The following DNAJC1 variants were observed in gnomAD, a reference collection of about 807,000 sequenced individuals.
DNAJC1 encodes the protein dnaJ homolog subfamily C member 1.
DNAJC1 carries 58 observed loss-of-function variants against 76.6 expected under a neutral mutation model. That is an observed-to-expected ratio of 0.76 (90% CI 0.61 to 0.94). The LOEUF (loss-of-function observed/expected upper bound fraction) is 0.94. Ranked by LOEUF, DNAJC1 falls within the 40% of genes least tolerant of loss-of-function variation. DNAJC1 has a pLI of 0.00. For missense variants in DNAJC1, 689 were observed against 677.3 expected (o/e 1.02, Z -0.19); for synonymous variants, 258 against 267.9 (o/e 0.96, Z 0.36).
intron 9 of DNAJC1, chr10:21,804,112 T>C: frequency 3.7e-6 from 1 of 273,646 alleles, no homozygotes; most frequent in Non-Finnish European, 5.6e-6. Flanking sequence ...GTTGGTTATA[T>C]CCTGTGTATT....
intron 9 of DNAJC1, among the ~76,000 whole-genome samples, chr10:21,786,698 C>T (rs952031666): frequency 6.6e-6 from 1 of 151,892 alleles, no homozygotes; most frequent in East Asian, 1.9e-4. Context: ...TGGTCTCGAA[C>T]TCCTGATCTC....
chr10:21,876,285 A>AT (rs1836187155), intron 8 of DNAJC1, among the ~76,000 whole-genome samples: 1 of 151,668 alleles, frequency 6.6e-6, no homozygotes, highest in Non-Finnish European at 1.5e-5. Context: ...TAATTTTTGT[A>AT]TTTTTTGGTG....
At position 22,003,483 on chromosome 10, in the gene DNAJC1, A is replaced by C; in HGVS notation, c.-49T>G. On this transcript the variant is annotated 5_prime_UTR_variant, in exon 1 of 12. Transcript: ENST00000376980. ...CCGCCGCGCAGCTCCGTTGGCCGAG[A>C]GCTGGGACGTGGCGGGCGGCGCTGG... The C allele has an allele frequency of 7.6e-7, 1 of 1,310,614 alleles. No homozygotes were observed. The highest frequency in any genetic ancestry group is 9.7e-7 in the Non-Finnish European group (1 of 1,035,504). 81.2% of individuals were successfully genotyped at this position (1,310,614 alleles called of 1,614,324 possible). A position where few individuals can be genotyped will look rare whatever the true frequency, so the allele number is the denominator to read the frequency against.
At chr10:21,805,827 T>C (rs538287780) in intron 9 of DNAJC1, among the ~76,000 whole-genome samples, 153 bp downstream of exon 9, 1 of 152,314 alleles carries the variant, frequency 6.6e-6, no homozygotes, top group East Asian at 1.9e-4. Context: ...CATCTGCTTC[T>C]CACTTATTGC....
chr10:21,957,952 T>C (rs1564838302), intron 1 of DNAJC1, among the ~76,000 whole-genome samples: 2 of 152,318 alleles, frequency 1.3e-5, no homozygotes, highest in East Asian at 3.9e-4. Context: ...AACAGGCTCA[T>C]AATACCTGCT....
chr10:21,790,391 G>C (rs1391811803), intron 9 of DNAJC1, among the ~76,000 whole-genome samples: 4 of 151,098 alleles, frequency 2.6e-5, no homozygotes, highest in Non-Finnish European at 5.9e-5. Context: ...AAGACGAAGA[G>C]AAAATTCTAA....
At chr10:21,888,163 T>C (rs148083051) in intron 7 of DNAJC1, among the ~76,000 whole-genome samples, 1,874 of 152,184 alleles carry the variant, frequency 0.012, 33 homozygotes, top group African/African-American at 0.042. Flanking sequence ...ATTAGAGTAA[T>C]GCAAATCAAA....
At chr10:21,781,418 A>G (rs1163165335) in intron 9 of DNAJC1, among the ~76,000 whole-genome samples, 1 of 152,120 alleles carries the variant, frequency 6.6e-6, no homozygotes, top group Non-Finnish European at 1.5e-5. Context: ...TCAAACTAGA[A>G]CTCAGGATTA....
At chr10:21,838,990 C>T (rs574075319) in intron 8 of DNAJC1, among the ~76,000 whole-genome samples, 1 of 152,208 alleles carries the variant, frequency 6.6e-6, no homozygotes, top group Non-Finnish European at 1.5e-5. Context: ...CAACCTGCTC[C>T]TGAATGACTA....
chr10:21,813,026 TACACACACAC>T (rs149245778), intron 8 of DNAJC1, among the ~76,000 whole-genome samples: 11 of 132,468 alleles, frequency 8.3e-5, no homozygotes, highest in South Asian at 4.8e-4. Context: ...TACACACACA[TACACACACAC>T]ACACACACAC....
chr10:21,841,388 C>T (rs1206373132), intron 8 of DNAJC1, among the ~76,000 whole-genome samples: 1 of 152,160 alleles, frequency 6.6e-6, no homozygotes, highest in Non-Finnish European at 1.5e-5. Context: ...CTACAATGAA[C>T]TCAAACAAAT....
chr10:21,813,721 G>A (rs1254387430), intron 8 of DNAJC1, among the ~76,000 whole-genome samples: 1 of 152,158 alleles, frequency 6.6e-6, no homozygotes, highest in Non-Finnish European at 1.5e-5. Context: ...GTATAGTGAA[G>A]ATATTGCCTC....
intron 1 of DNAJC1, among the ~76,000 whole-genome samples, chr10:21,952,284 C>G (rs1264578916): frequency 6.6e-6 from 1 of 152,124 alleles, no homozygotes; most frequent in Non-Finnish European, 1.5e-5. Context: ...CAATTATTAT[C>G]TCATGTCAAT....
chr10:21,881,903 C>G (rs1415994633), intron 8 of DNAJC1, among the ~76,000 whole-genome samples: 1 of 149,820 alleles, frequency 6.7e-6, no homozygotes, highest in African/African-American at 2.5e-5. Flanking sequence ...ACCTGTAATC[C>G]CAGCACTTTG....
intron 9 of DNAJC1, among the ~76,000 whole-genome samples, chr10:21,770,463 T>C (rs1463997747): frequency 6.7e-6 from 1 of 148,840 alleles, no homozygotes; most frequent in Non-Finnish European, 1.5e-5. Flanking sequence ...AGTGGCACGA[T>C]CTCGACTCAC....
At chr10:21,855,573 T>A (rs1835821405) in intron 8 of DNAJC1, among the ~76,000 whole-genome samples, 1 of 152,162 alleles carries the variant, frequency 6.6e-6, no homozygotes, top group African/African-American at 2.4e-5. Flanking sequence ...CAAGTTGATA[T>A]TATCAATGAT....
At chr10:21,926,260 CTTT>C (rs774374066) in intron 3 of DNAJC1, among the ~76,000 whole-genome samples, 13 of 134,712 alleles carry the variant, frequency 9.7e-5, no homozygotes, top group Admixed American at 2.2e-4. Flanking sequence ...CCAGCCTTTC[CTTT>C]TTTTTTTTTT....
chr10:21,859,584 G>C (rs1168199350), intron 8 of DNAJC1, among the ~76,000 whole-genome samples: 2 of 151,150 alleles, frequency 1.3e-5, no homozygotes, highest in Non-Finnish European at 2.9e-5. Context: ...CATAGACATA[G>C]GGGTTACATA....
At chr10:21,887,843 A>G (rs1375448258) in intron 7 of DNAJC1, among the ~76,000 whole-genome samples, 1 of 152,160 alleles carries the variant, frequency 6.6e-6, no homozygotes, top group African/African-American at 2.4e-5. Flanking sequence ...ATTTCATTAC[A>G]AAGACACCAA....
Sources: allele counts gnomAD v4.1 joint callset (sites outside exome capture counted in the v4.1 genomes callset), GRCh38; gene constraint gnomAD v4.1.1; transcripts MANE v1.5; gene names NCBI Gene and HGNC (gene_info 2026-07-23, HGNC 2026-07-21).